TNKS: variants seen among roughly 807,000 people sequenced by gnomAD.
The protein encoded by TNKS is tankyrase, also known as poly [ADP-ribose] polymerase tankyrase-1.
In TNKS, 72 loss-of-function variants were observed where a neutral mutation model predicts 135.8. The observed-to-expected ratio is 0.53, with a 90% CI of 0.44 to 0.64. The LOEUF (loss-of-function observed/expected upper bound fraction) is 0.64, where lower values mean the gene tolerates loss of function less well. Among genes scored for constraint, TNKS ranks in the 30% least tolerant of loss-of-function variants. TNKS has a pLI of 0.00. For missense variants in TNKS, 1,769 were observed against 1,674.0 expected (o/e 1.06, Z -0.99); for synonymous variants, 849 against 649.3 (o/e 1.31, Z -4.68).
At chr8:9,586,530 T>G (rs1798384081) in intron 2 of TNKS, among the ~76,000 whole-genome samples, 1 of 152,138 alleles carries the variant, frequency 6.6e-6, no homozygotes, top group African/African-American at 2.4e-5. Context: ...TTCTTCCCCC[T>G]CCTTTGCCTT....
chr8:9,771,282 A>G (rs1310431250), intron 26 of TNKS, among the ~76,000 whole-genome samples: 2 of 127,116 alleles, frequency 1.6e-5, no homozygotes, highest in African/African-American at 3.0e-5. Context: ...AGAGAGAGCG[A>G]GGAAGGGAGG....
intron 1 of TNKS, among the ~76,000 whole-genome samples, chr8:9,574,813 A>C (rs1797882426): frequency 6.6e-6 from 1 of 152,124 alleles, no homozygotes; most frequent in South Asian, 2.1e-4. Flanking sequence ...TATGTATGAA[A>C]GTATCTGGAG....
At chr8:9,761,743 A>T in intron 21 of TNKS, 107 bp downstream of exon 21, 3 of 1,175,504 alleles carry the variant, frequency 2.6e-6, no homozygotes, top group Non-Finnish European at 3.5e-6. Flanking sequence ...CATACACTGA[A>T]CTATTGTACC....
At chr8:9,630,272 C>A (rs573845630) in intron 3 of TNKS, among the ~76,000 whole-genome samples, 1 of 152,174 alleles carries the variant, frequency 6.6e-6, no homozygotes, top group Non-Finnish European at 1.5e-5. Context: ...GATCATTCCG[C>A]CAGTGGGTGC....
chr8:9,764,035 A>C (rs12681705), intron 22 of TNKS, among the ~76,000 whole-genome samples: 3,227 of 152,156 alleles, frequency 0.021, 65 homozygotes, highest in East Asian at 0.094. Context: ...GTGTCTTACT[A>C]CCTAATTCTC....
At chr8:9,773,571 G>T (rs1364261917) in intron 26 of TNKS, among the ~76,000 whole-genome samples, 1 of 152,072 alleles carries the variant, frequency 6.6e-6, no homozygotes, top group Admixed American at 6.6e-5. Context: ...TGGGTACAAA[G>T]AAATAATAAG....
In TNKS at chr8:9,762,376, A is replaced by G. The variant is rs535959588; in HGVS notation, c.3274+740A>G. On this transcript the variant is annotated intron_variant, in intron 21 of 26. Coordinates refer to ENST00000310430, the MANE Select transcript of TNKS (RefSeq NM_003747.3). ...TATTTATCTGTATTTTAGTTCATCC[A>G]TGAAACTAACAAAGATAATGTGTTT... Among the ~76,000 whole-genome samples the G allele has an allele frequency of 3.3e-5, 5 of 152,344 alleles. No homozygotes were observed. The East Asian group carries it at 7.7e-4, about 24-fold the overall frequency.
intron 1 of TNKS, among the ~76,000 whole-genome samples, chr8:9,575,753 G>A (rs1797922160): frequency 1.3e-5 from 2 of 152,196 alleles, no homozygotes; most frequent in African/African-American, 2.4e-5. Flanking sequence ...GAGTTGAAAT[G>A]TGAATGCTTA....
chr8:9,677,681 G>A (rs550397137), intron 3 of TNKS, among the ~76,000 whole-genome samples: 1 of 152,002 alleles, frequency 6.6e-6, no homozygotes, highest in East Asian at 1.9e-4. Context: ...AGCTTTTTAA[G>A]TATACTTTGC....
chr8:9,675,137 A>G (rs1016128976), intron 3 of TNKS, among the ~76,000 whole-genome samples: 1 of 152,214 alleles, frequency 6.6e-6, no homozygotes, highest in Non-Finnish European at 1.5e-5. Context: ...TCTTGAGATT[A>G]GATTACTTCC....
intron 2 of TNKS, among the ~76,000 whole-genome samples, chr8:9,588,431 C>T (rs10112051): frequency 0.28 from 42,552 of 151,928 alleles, 6,244 homozygotes; most frequent in East Asian, 0.38. Context: ...CCCGCCACCA[C>T]GCCCAGCTAA....
rs537581706 is a variant in TNKS at position 9,667,489 on chromosome 8, C to G, written c.995-12462C>G. ...CGCCTATTCAGGGATTGCCTGACCTCTGCATCTTATAACCATATCATCCTG... is the reference window on the plus strand; with the variant it reads ...CGCCTATTCAGGGATTGCCTGACCTGTGCATCTTATAACCATATCATCCTG... On this transcript the variant is annotated intron_variant, in intron 3 of 26. Transcript: ENST00000310430. Among the ~76,000 whole-genome samples the G allele has an allele frequency of 8.5e-5, 13 of 152,354 alleles. No individual in the cohort carries two copies. The East Asian group carries it at 2.3e-3, about 27-fold the overall frequency.
intron 20 of TNKS, among the ~76,000 whole-genome samples, chr8:9,753,432 AC>A (rs1163967703): frequency 2.0e-5 from 3 of 152,260 alleles, no homozygotes; most frequent in South Asian, 4.1e-4. Flanking sequence ...ATTCCAATAG[AC>A]CCACCCTATT....
In TNKS at chr8:9,778,343, G is replaced by C. The variant is rs936582695; in HGVS notation, c.*1607G>C. On this transcript the variant is annotated 3_prime_UTR_variant, in exon 27 of 27. Transcript: ENST00000310430. The stretch of plus-strand genomic sequence containing the variant: ...GCAATTCAAAGCCCTGAAAACGATG[G>C]GTTTAATGCAAGGTGATTAAGCTGT... 6.6e-6 allele frequency: 1 copy of C among 152,230 alleles called. No homozygotes were observed. Among genetic ancestry groups the C allele is most frequent in the African/African-American group, 2.4e-5 (1 of 41,398 alleles). The allele number at this position is 152,230 out of a possible 1,614,324, so 9.4% of individuals were successfully genotyped here.
intron 3 of TNKS, among the ~76,000 whole-genome samples, chr8:9,650,729 T>A (rs183590622): frequency 1.3e-5 from 2 of 152,346 alleles, no homozygotes; most frequent in African/African-American, 4.8e-5. Context: ...CTTTGTCAGA[T>A]GCATAGTTTG....
chr8:9,676,369 T>A (rs58514565), intron 3 of TNKS, among the ~76,000 whole-genome samples: 1,526 of 152,292 alleles, frequency 0.01, 23 homozygotes, highest in African/African-American at 0.035. Flanking sequence ...ATGTTCATAG[T>A]CTTTCCATGC....
intron 12 of TNKS, among the ~76,000 whole-genome samples, chr8:9,722,793 C>T (rs1329600633): frequency 6.6e-6 from 1 of 152,114 alleles, no homozygotes; most frequent in African/African-American, 2.4e-5. Flanking sequence ...CAGGCAAACA[C>T]ATAGCTTTGC....
intron 20 of TNKS, among the ~76,000 whole-genome samples, chr8:9,754,455 A>T (rs1161660747): frequency 6.6e-6 from 1 of 152,134 alleles, no homozygotes; most frequent in African/African-American, 2.4e-5. Flanking sequence ...CTTAAAAACC[A>T]GGTCTTTTTT....
chr8:9,624,069 C>T (rs1045923539), intron 3 of TNKS, among the ~76,000 whole-genome samples: 1 of 151,786 alleles, frequency 6.6e-6, no homozygotes, highest in Non-Finnish European at 1.5e-5. Flanking sequence ...TTTGGATAAT[C>T]TCACCACTCT....
Sources: allele counts gnomAD v4.1 joint callset (sites outside exome capture counted in the v4.1 genomes callset), GRCh38; gene constraint gnomAD v4.1.1; transcripts MANE v1.5; gene names NCBI Gene and HGNC (gene_info 2026-07-23, HGNC 2026-07-21).